Variants in MSI2 observed in about 807,000 individuals in gnomAD.
MSI2 encodes RNA-binding protein Musashi homolog 2.
A neutral mutation model predicts 45.6 loss-of-function variants in MSI2; 17 were observed. That is an observed-to-expected ratio of 0.37 (90% CI 0.26 to 0.56). The LOEUF (loss-of-function observed/expected upper bound fraction) is 0.56. MSI2 is among the 20% of genes least tolerant of loss of function. The probability of loss-of-function intolerance (pLI) is 0.77; values close to 1 mark genes in which losing one functional copy is unlikely to be tolerated. For missense variants in MSI2, 293 were observed against 444.2 expected, an observed-to-expected ratio of 0.66 and a Z score of 3.06; for synonymous variants, 156 against 158.2, an observed-to-expected ratio of 0.99 and a Z score of 0.11.
At chr17:57,429,082 C>T (rs1244451582) in intron 6 of MSI2, among the ~76,000 whole-genome samples, 1 of 152,122 alleles carries the variant, frequency 6.6e-6, no homozygotes, top group East Asian at 1.9e-4. Context: ...ATATCTGGCT[C>T]TTCATAACAT....
chr17:57,299,058 T>C (rs1911215725), intron 5 of MSI2, among the ~76,000 whole-genome samples: 1 of 152,250 alleles, frequency 6.6e-6, no homozygotes. Context: ...AACAAATGGC[T>C]TCTTTCCTTA....
chr17:57,488,753 G>T (rs1179199930), intron 6 of MSI2, among the ~76,000 whole-genome samples: 2 of 152,032 alleles, frequency 1.3e-5, no homozygotes, highest in Non-Finnish European at 2.9e-5. Context: ...GAACCCAGGA[G>T]GCAGAGGTTG....
intron 5 of MSI2, among the ~76,000 whole-genome samples, chr17:57,313,077 C>G (rs1490631218): frequency 1.3e-5 from 2 of 152,064 alleles, no homozygotes; most frequent in Non-Finnish European, 2.9e-5. Context: ...GATCTCTGGA[C>G]CTCGTGATCC....
chr17:57,388,508 G>C (rs2083724234), intron 5 of MSI2, among the ~76,000 whole-genome samples: 1 of 152,194 alleles, frequency 6.6e-6, no homozygotes, highest in South Asian at 2.1e-4. Flanking sequence ...CCTGCTGGTG[G>C]GGGAGCTAAT....
chr17:57,386,614 G>A (rs924674287), intron 5 of MSI2, among the ~76,000 whole-genome samples: 3 of 152,082 alleles, frequency 2.0e-5, no homozygotes, highest in African/African-American at 7.2e-5. Context: ...CTTCCATTCT[G>A]GAGGGTGCAT....
chr17:57,325,983 G>A (rs1247537357), intron 5 of MSI2, among the ~76,000 whole-genome samples: 3 of 152,048 alleles, frequency 2.0e-5, no homozygotes, highest in Non-Finnish European at 4.4e-5. Context: ...TGCATCTGCT[G>A]GTCCCTCTGC....
intron 6 of MSI2, among the ~76,000 whole-genome samples, chr17:57,428,544 A>G (rs2084536333): frequency 6.6e-6 from 1 of 152,196 alleles, no homozygotes; most frequent in East Asian, 1.9e-4. Context: ...ACCCAGGATT[A>G]TAGGTGTGTG....
At chr17:57,315,233 C>G (rs559275422) in intron 5 of MSI2, among the ~76,000 whole-genome samples, 1 of 152,298 alleles carries the variant, frequency 6.6e-6, no homozygotes, top group Admixed American at 6.5e-5. Flanking sequence ...GCAGCCCTGC[C>G]GGATACCAAT....
At chr17:57,455,007 A>G (rs2085086100) in intron 6 of MSI2, among the ~76,000 whole-genome samples, 1 of 152,148 alleles carries the variant, frequency 6.6e-6, no homozygotes, top group Admixed American at 6.6e-5. Flanking sequence ...CATGACCTTG[A>G]GGCTGTTCAG....
intron 7 of MSI2, among the ~76,000 whole-genome samples, chr17:57,587,672 C>T (rs189213771): frequency 6.6e-6 from 1 of 152,138 alleles, no homozygotes; most frequent in Non-Finnish European, 1.5e-5. Flanking sequence ...TGTCGACTCA[C>T]GCCGATCTCT....
intron 5 of MSI2, among the ~76,000 whole-genome samples, chr17:57,282,366 A>C (rs376081403): frequency 1.3e-5 from 2 of 152,330 alleles, no homozygotes; most frequent in African/African-American, 4.8e-5. Flanking sequence ...AAGGCAGTTT[A>C]GTCCTGCACT....
rs1429067058 is a variant in MSI2, at chr17:57,677,041, G to A, written c.*13G>A. Reference sequence around the variant, plus strand: ...TGGATACCATTGAGCAGGTGCTTTCGTTGCCATCTCACTCTGAGGTATTAC... The same window carrying A: ...TGGATACCATTGAGCAGGTGCTTTCATTGCCATCTCACTCTGAGGTATTAC... On this transcript the variant is annotated 3_prime_UTR_variant, in exon 13 of 14. Transcript: ENST00000284073. The A allele has an allele frequency of 9.3e-6, 15 of 1,613,368 alleles. No homozygotes were observed. Among genetic ancestry groups the A allele is most frequent in the Middle Eastern group, 1.6e-4 (1 of 6,062 alleles).
intron 11 of MSI2, among the ~76,000 whole-genome samples, chr17:57,657,338 G>A (rs989755346): frequency 2.0e-5 from 3 of 152,090 alleles, no homozygotes; most frequent in Non-Finnish European, 4.4e-5. Flanking sequence ...GGTGAGGGAG[G>A]TACACAGGGA....
At position 57,627,437 on chromosome 17, in the gene MSI2, C is replaced by A; in HGVS notation, c.727+134C>A. On this transcript the variant is annotated intron_variant, in intron 10 of 13. Transcript: ENST00000284073. This position sits in a 1 kb window ranked among gnomAD's most constrained non-coding sequence, Gnocchi z 4.6. ...AAAATGACCTATACATGATAAATTTCAAATCCACTGAAGTTCAAGGCCAGG... is the reference window on the plus strand; with the variant it reads ...AAAATGACCTATACATGATAAATTTAAAATCCACTGAAGTTCAAGGCCAGG... The A allele has an allele frequency of 1.2e-6, 1 of 806,510 alleles. No individual in the cohort carries two copies. Among genetic ancestry groups the A allele is most frequent in the South Asian group, 1.6e-5 (1 of 64,132 alleles). The allele number at this position is 806,510 out of a possible 1,614,324, so 50.0% of individuals were successfully genotyped here. A position where few individuals can be genotyped will look rare whatever the true frequency, so the allele number is the denominator to read the frequency against.
chr17:57,453,632 G>C (rs540523101), intron 6 of MSI2, among the ~76,000 whole-genome samples: 1 of 152,132 alleles, frequency 6.6e-6, no homozygotes, highest in Non-Finnish European at 1.5e-5. Flanking sequence ...ACCTTGTGCC[G>C]GGCACGCTTT....
At chr17:57,408,118 G>A (rs567279063) in intron 6 of MSI2, among the ~76,000 whole-genome samples, 35 of 152,266 alleles carry the variant, frequency 2.3e-4, no homozygotes, top group Non-Finnish European at 3.8e-4. Context: ...GACTGATTTC[G>A]GCTGAAGCCA....
At chr17:57,513,958 C>T (rs1459981987) in intron 6 of MSI2, among the ~76,000 whole-genome samples, 1 of 152,152 alleles carries the variant, frequency 6.6e-6, no homozygotes, top group African/African-American at 2.4e-5. Context: ...CATGGGGCAT[C>T]ATTATTGGTA....
chr17:57,652,844 A>C lies in MSI2; in HGVS notation c.790+683A>C, dbSNP rs1158940146. On this transcript the variant is annotated intron_variant, in intron 11 of 13. Transcript: ENST00000284073. This position sits in a 1 kb window ranked among gnomAD's most constrained non-coding sequence, Gnocchi z 4.1. Reference sequence around the variant, plus strand: ...TCAAGTGACATGGGAACACTTTCCCAGCATTATCATGGGGTCAGGCCAGAG... The same window carrying C: ...TCAAGTGACATGGGAACACTTTCCCCGCATTATCATGGGGTCAGGCCAGAG... Among the ~76,000 whole-genome samples, 1 of 152,244 alleles carries C rather than the reference A, an allele frequency of 6.6e-6. No individual in the cohort carries two copies. The highest frequency in any genetic ancestry group is 1.5e-5 in the Non-Finnish European group (1 of 68,042).
chr17:57,456,483 C>T (rs1374171898), intron 6 of MSI2, among the ~76,000 whole-genome samples: 1 of 152,152 alleles, frequency 6.6e-6, no homozygotes, highest in Non-Finnish European at 1.5e-5. Context: ...GTAATCCCAG[C>T]TACTCAGGAG....
Sources: allele counts gnomAD v4.1 joint callset (sites outside exome capture counted in the v4.1 genomes callset), GRCh38; gene constraint gnomAD v4.1.1; non-coding constraint Gnocchi (gnomAD v3.1); transcripts MANE v1.5; gene names NCBI Gene and HGNC (gene_info 2026-07-23, HGNC 2026-07-21).